MAP4K1: variants seen among roughly 807,000 people sequenced by gnomAD.
The protein encoded by MAP4K1 is MAPK/ERK kinase kinase kinase 1.
In MAP4K1, 35 loss-of-function variants were observed where a neutral mutation model predicts 122.8. The observed-to-expected ratio is 0.29, with a 90% CI of 0.22 to 0.38. The LOEUF is 0.38. Ranked by LOEUF, MAP4K1 falls within the 10% of genes least tolerant of loss-of-function variation. The pLI is 1.00. For synonymous variants in MAP4K1, 412 were observed against 421.3 expected, an observed-to-expected ratio of 0.98 and a Z score of 0.27; for missense variants, 791 against 1,072.6, an observed-to-expected ratio of 0.74 and a Z score of 3.67.
chr19:38,603,037 CAT>C (rs986637671), intron 19 of MAP4K1, among the ~76,000 whole-genome samples: 2 of 144,760 alleles, frequency 1.4e-5, no homozygotes, highest in Non-Finnish European at 3.0e-5. Flanking sequence ...CATATATACA[CAT>C]GTACATATAT....
At chr19:38,600,284 T>A in intron 20 of MAP4K1, 131 bp from the exon 21 acceptor site, 1 of 725,074 alleles carries the variant, frequency 1.4e-6, no homozygotes, top group East Asian at 2.7e-5. Flanking sequence ...AAACCAATAC[T>A]CCCAGCCTCT....
intron 30 of MAP4K1, chr19:38,589,069 G>C (rs1974621155): frequency 6.6e-6 from 1 of 152,318 alleles, no homozygotes; most frequent in African/African-American, 2.4e-5. Context: ...AGGAAACATA[G>C]AATCAGAAAA....
intron 16 of MAP4K1, among the ~76,000 whole-genome samples, chr19:38,607,395 C>T (rs1416312200): frequency 4.0e-5 from 6 of 151,742 alleles, no homozygotes; most frequent in African/African-American, 1.4e-4. Context: ...CCCATCTCTA[C>T]TAAAAATACA....
intron 19 of MAP4K1, among the ~76,000 whole-genome samples, 172 bp downstream of exon 19, chr19:38,605,237 T>A (rs184972146): frequency 6.6e-6 from 1 of 152,220 alleles, no homozygotes; most frequent in African/African-American, 2.4e-5. Context: ...GATATCTTCT[T>A]CACTCTGTGA....
Position 38,600,066 on chromosome 19 carries a change from T to C in MAP4K1, c.1608+11A>G. On this transcript the variant is annotated intron_variant, in intron 21 of 30. Coordinates refer to ENST00000396857, the MANE Select transcript of MAP4K1 (RefSeq NM_001042600.3). ...CCCTTGCCCTTGCCCTGGCCCGGTA[T>C]GGTTCCTCACCATTTCCAGCGTGGC... 6.2e-7 allele frequency: 1 copy of C among 1,614,174 alleles called. No homozygotes were observed. Among genetic ancestry groups the C allele is most frequent in the Non-Finnish European group, 8.5e-7 (1 of 1,180,024 alleles).
At chr19:38,593,468 C>T (rs1791778506) in intron 29 of MAP4K1, 131 bp from the exon 30 acceptor site, 6 of 663,296 alleles carry the variant, frequency 9.0e-6, no homozygotes, top group South Asian at 3.8e-5. Context: ...TTTGGGAGGC[C>T]GAAGTGGGTG....
intron 30 of MAP4K1, among the ~76,000 whole-genome samples, chr19:38,590,387 AAAAAAAAATATAT>A (rs1340675441): frequency 7.1e-5 from 5 of 70,768 alleles, no homozygotes; most frequent in East Asian, 9.3e-4. Flanking sequence ...AAAAAAAAAA[AAAAAAAAATATAT>A]ATATATATAT....
intron 9 of MAP4K1, among the ~76,000 whole-genome samples, chr19:38,612,028 G>A (rs1298620723): frequency 2.6e-5 from 4 of 151,522 alleles, no homozygotes; most frequent in Admixed American, 1.3e-4. Flanking sequence ...AACCCTGGAG[G>A]CAGAGGTTGC....
intron 8 of MAP4K1, 76 bp from the exon 9 acceptor site, chr19:38,612,818 A>G: frequency 6.6e-7 from 1 of 1,505,818 alleles, no homozygotes. Flanking sequence ...AAGGAGAAGG[A>G]GTTGAGGGGA....
chr19:38,597,090 T>C lies in MAP4K1; in HGVS notation c.1885A>G (p.Thr629Ala), dbSNP rs762455256. 6.8e-6 allele frequency: 11 copies of C among 1,614,034 alleles called. No homozygotes were observed. The highest frequency in any genetic ancestry group is 9.3e-6 in the Non-Finnish European group (11 of 1,179,982). Residue 629 changes from threonine to alanine, a missense_variant, in exon 25 of 31, where the codon ACG (threonine) becomes GCG (alanine). By Grantham distance (58) the Thr-to-Ala change is moderately conservative. Around this residue, in one of 4 missense-constraint regions of MAP4K1, gnomAD observed 267 missense variants for 323.0 expected, o/e 0.83. Transcript: ENST00000396857. This position sits in a 1 kb window ranked among gnomAD's most constrained non-coding sequence, Gnocchi z 4.6. ...GGPFLCGALETSVVLLQWYQP... is the reference protein window; with the variant it reads ...GGPFLCGALEASVVLLQWYQP... ...TACCACTGAAGCAGGACAACGGACG[T>C]CTCCAATGCACCGCACAGGAACGGG... is the stretch of plus-strand genomic sequence containing the variant.
chr19:38,593,803 C>G (rs892095778), intron 29 of MAP4K1, among the ~76,000 whole-genome samples: 1 of 152,144 alleles, frequency 6.6e-6, no homozygotes, highest in African/African-American at 2.4e-5. Flanking sequence ...ATCGCTTGAA[C>G]CTGGGTGGCA....
chr19:38,599,527 T>C (rs1974998631), intron 22 of MAP4K1, among the ~76,000 whole-genome samples: 1 of 151,838 alleles, frequency 6.6e-6, no homozygotes, highest in Non-Finnish European at 1.5e-5. Context: ...CCAGGTGTGG[T>C]GGTGCACACC....
chr19:38,597,396 G>C lies in MAP4K1; in HGVS notation c.1779-12C>G. 6.2e-7 allele frequency: 1 copy of C among 1,614,038 alleles called. No homozygotes were observed. The highest frequency in any genetic ancestry group is 8.5e-7 in the Non-Finnish European group (1 of 1,180,026). ...AAACCATGTTCTTCCTGGAGAATAG[G>C]TAGGTGTGAAGGGGGGTAGGACAGC... On this transcript the variant is annotated splice_polypyrimidine_tract_variant and intron_variant, in intron 23 of 30. Transcript: ENST00000396857. The surrounding 1 kb of genome is among the most constrained non-coding windows in gnomAD (Gnocchi z 4.6).
At chr19:38,593,513 G>C in intron 29 of MAP4K1, 176 bp from the exon 30 acceptor site, 1 of 462,200 alleles carries the variant, frequency 2.2e-6, no homozygotes, top group South Asian at 2.4e-5. Flanking sequence ...GACCAGCCTG[G>C]CCAACATGGC....
Position 38,595,680 on chromosome 19 carries a change from G to A in MAP4K1, c.2229C>T (p.Arg743=), listed in dbSNP as rs1304819725. The change falls in exon 28 of 31, where the codon CGC becomes CGT. Residue 743 remains arginine, a synonymous_variant. Transcript: ENST00000396857. ...TPEGSPVRGL[R]TPEIPMTEAV... The stretch of plus-strand genomic sequence containing the variant: ...CTTCGGTCATGGGGATCTCAGGTGT[G>A]CGAAGTCCCCGGACTGGGGACCCCT... The A allele has an allele frequency of 1.2e-6, 2 of 1,613,128 alleles. No homozygotes were observed. Among genetic ancestry groups the A allele is most frequent in the East Asian group, 2.2e-5 (1 of 44,852 alleles).
intron 7 of MAP4K1, 37 bp downstream of exon 7, chr19:38,614,006 C>G (rs746109011): frequency 3.1e-6 from 5 of 1,613,490 alleles, no homozygotes; most frequent in Middle Eastern, 1.7e-4. Context: ...TCCGGCCCCC[C>G]AGTCAGCCCC....
intron 26 of MAP4K1, 139 bp from the exon 27 acceptor site, chr19:38,596,140 TC>T: frequency 1.6e-6 from 2 of 1,265,050 alleles, no homozygotes; most frequent in Non-Finnish European, 2.2e-6. Context: ...ACCATCCCGG[TC>T]CCACCCCATC....
chr19:38,606,200 C>T lies in MAP4K1; in HGVS notation c.1173G>A (p.Glu391=). 1 of 1,569,234 alleles carries T rather than the reference C, an allele frequency of 6.4e-7. No homozygotes were observed. Among genetic ancestry groups the T allele is most frequent in the Non-Finnish European group, 8.6e-7 (1 of 1,161,146 alleles). ...TGGGGGGAAGTGGAGGAGGTGTGTC[C>T]TCTGCAGGGGTGGGGCTGAAACACA... is the stretch of plus-strand genomic sequence containing the variant. The part of the protein sequence containing the change: ...YDDVDIPTPA[E]DTPPPLPPKP... The change falls in exon 17 of 31, where the codon GAG becomes GAA. Residue 391 remains glutamate (E), a synonymous_variant. Transcript: ENST00000396857.
In MAP4K1 at chr19:38,607,895, A is replaced by T. The variant is rs920615299; in HGVS notation, c.1126T>A (p.Ser376Thr). Reference protein sequence around the residue: ...SSSPRKQLSESSDDDYDDVDI... With the variant: ...SSSPRKQLSETSDDDYDDVDI... ...ACGTCGTCATAGTCATCGTCAGACGACTCTGACAGTTGCTTCCTGAAGGGT... is the reference window on the plus strand; with the variant it reads ...ACGTCGTCATAGTCATCGTCAGACGTCTCTGACAGTTGCTTCCTGAAGGGT... Residue 376 changes from serine (S) to threonine (T), a missense_variant, in exon 16 of 31, where the codon TCG (serine) becomes ACG (threonine). By Grantham distance (58) the Ser-to-Thr change is moderately conservative. Around this residue, in one of 4 missense-constraint regions of MAP4K1, gnomAD observed 303 missense variants for 344.8 expected, o/e 0.88. Transcript: ENST00000396857. 1 of 1,611,656 alleles carries T rather than the reference A, an allele frequency of 6.2e-7. No individual in the cohort carries two copies. Among genetic ancestry groups the T allele is most frequent in the Admixed American group, 1.7e-5 (1 of 59,614 alleles).
Sources: allele counts gnomAD v4.1 joint callset (sites outside exome capture counted in the v4.1 genomes callset), GRCh38; gene constraint gnomAD v4.1.1; regional missense constraint gnomAD v4.1.1; non-coding constraint Gnocchi (gnomAD v3.1); transcripts MANE v1.5; gene names NCBI Gene and HGNC (gene_info 2026-07-23, HGNC 2026-07-21).